GNL1: variants seen among roughly 807,000 people sequenced by gnomAD.
GNL1 encodes the protein G protein nucleolar 1.
Under a neutral mutation model 75.2 loss-of-function variants are expected in GNL1, and 21 were observed. The observed-to-expected ratio is 0.28, with a 90% CI of 0.20 to 0.40. The LOEUF is 0.40. GNL1 is among the 10% of genes least tolerant of loss of function. GNL1 has a pLI of 1.00. For missense variants in GNL1, 579 were observed against 775.0 expected (o/e 0.75, Z 3.00); for synonymous variants, 287 against 303.4 (o/e 0.95, Z 0.56).
rs371152866 is a variant in GNL1 at position 30,556,330 on chromosome 6, G to C, written c.-127C>G. On this transcript the variant is annotated 5_prime_UTR_variant, in exon 1 of 12. Coordinates refer to ENST00000376621, the MANE Select transcript of GNL1 (RefSeq NM_005275.5). This position sits in a 1 kb window ranked among gnomAD's most constrained non-coding sequence, Gnocchi z 5.7. ...GAGGCGGGGCTAGCAGGTGACGTCA[G>C]CGGGCGGGCCCGACAGAATTACCGC... The C allele has an allele frequency of 1.9e-4, 209 of 1,079,314 alleles. 7 individuals are homozygous for C. The highest frequency in any genetic ancestry group is 7.2e-4 in the East Asian group (29 of 40,140). 66.9% of individuals were successfully genotyped at this position (1,079,314 alleles called of 1,614,324 possible).
In GNL1 at chr6:30,546,228, TTCC is replaced by T. The variant is rs752894283; in HGVS notation, c.1665_1667del (p.Glu559del). 2.9e-4 allele frequency: 451 copies of T among 1,556,680 alleles called. No homozygotes were observed. Among genetic ancestry groups the T allele is most frequent in the Admixed American group, 4.4e-4 (24 of 53,960 alleles). Reference sequence around the variant, plus strand: ...CACAGGAGCTGCTCAGCTCTTCCTCTTCCTCCTCCTCCTCGTCACCTGCTGGCC... The same window carrying T: ...CACAGGAGCTGCTCAGCTCTTCCTCTTCCTCCTCCTCGTCACCTGCTGGCC... On this transcript the variant is annotated inframe_deletion, in exon 12 of 12. Transcript: ENST00000376621. The surrounding 1 kb of genome is among the most constrained non-coding windows in gnomAD (Gnocchi z 5.1).
rs1256100851 is a variant in GNL1, at chr6:30,543,988, G to A, written c.*2084C>T. ...GTAGACATGACCCAGACAAGAGGGT[G>A]CGTATTTCAGCGTGGAGGGGAGACT... On this transcript the variant is annotated 3_prime_UTR_variant, in exon 12 of 12. Coordinates refer to ENST00000376621, the MANE Select transcript of GNL1 (RefSeq NM_005275.5). 2 of 152,278 alleles carry A rather than the reference G, an allele frequency of 1.3e-5. No homozygotes were observed. Among genetic ancestry groups the A allele is most frequent in the Non-Finnish European group, 2.9e-5 (2 of 68,098 alleles). 9.4% of individuals were successfully genotyped at this position (152,278 alleles called of 1,614,324 possible).
intron 3 of GNL1, 48 bp from the exon 4 acceptor site, chr6:30,554,963 A>G (rs1554306008): frequency 6.2e-7 from 1 of 1,610,940 alleles, no homozygotes; most frequent in Non-Finnish European, 8.5e-7. Context: ...TTCAGGATTC[A>G]AGAGTACATC....
In GNL1 at chr6:30,546,616, A is replaced by T. The variant is rs1330707001; in HGVS notation, c.1582+80T>A. On this transcript the variant is annotated intron_variant, in intron 11 of 11. Coordinates refer to ENST00000376621, the MANE Select transcript of GNL1 (RefSeq NM_005275.5). The surrounding 1 kb of genome is among the most constrained non-coding windows in gnomAD (Gnocchi z 5.1). ...CCAACAGGTACAGAATCCAGGTTTG[A>T]CCCTCTCTCTGGCCACAAAGCCCAC... is the stretch of plus-strand genomic sequence containing the variant. The T allele has an allele frequency of 8.5e-7, 1 of 1,179,452 alleles. No homozygotes were observed. Among genetic ancestry groups the T allele is most frequent in the Non-Finnish European group, 1.2e-6 (1 of 824,486 alleles). 73.1% of individuals were successfully genotyped at this position (1,179,452 alleles called of 1,614,324 possible).
chr6:30,549,683 T>G (rs1476720859), intron 8 of GNL1, among the ~76,000 whole-genome samples: 1 of 152,184 alleles, frequency 6.6e-6, no homozygotes, highest in African/African-American at 2.4e-5. Flanking sequence ...CTTCTTCATT[T>G]GACTTCTGGG....
At position 30,548,169 on chromosome 6, in the gene GNL1, TC is replaced by T. The variant is rs1799558918; in HGVS notation, c.1100-640del. ...CCAGCCTGGGCAATAAGAGGGAAAC[TC>T]CATCTCAAAAAATAATAATAATAAT... On this transcript the variant is annotated intron_variant, in intron 8 of 11. Transcript: ENST00000376621. The surrounding 1 kb of genome is among the most constrained non-coding windows in gnomAD (Gnocchi z 4.2). Among the ~76,000 whole-genome samples, 1 of 151,802 alleles carries T rather than the reference TC, an allele frequency of 6.6e-6. No individual in the cohort carries two copies. Among genetic ancestry groups the T allele is most frequent in the Non-Finnish European group, 1.5e-5 (1 of 67,956 alleles).
In GNL1 at chr6:30,543,604, T is replaced by C. The variant is rs1799291380; in HGVS notation, c.*2468A>G. ...AGCTATTGTATTATATTATTATTAT[T>C]CTATTCCTACCCTCTATTGCTTGAG... On this transcript the variant is annotated 3_prime_UTR_variant, in exon 12 of 12. Coordinates refer to ENST00000376621, the MANE Select transcript of GNL1 (RefSeq NM_005275.5). 2 of 152,228 alleles carry C rather than the reference T, an allele frequency of 1.3e-5. No homozygotes were observed. Among genetic ancestry groups the C allele is most frequent in the African/African-American group, 4.8e-5 (2 of 41,456 alleles). The allele number at this position is 152,228 out of a possible 1,614,324, so 9.4% of individuals were successfully genotyped here. A position where few individuals can be genotyped will look rare whatever the true frequency, so the allele number is the denominator to read the frequency against.
chr6:30,548,628 C>A lies in GNL1; in HGVS notation c.1100-1098G>T, dbSNP rs1334479884. Among the ~76,000 whole-genome samples, 1 of 152,170 alleles carries A rather than the reference C, an allele frequency of 6.6e-6. No individual in the cohort carries two copies. The highest frequency in any genetic ancestry group is 1.5e-5 in the Non-Finnish European group (1 of 68,030). ...TCCCACTTCTCCCCTCTATCTTACTCACCTGGCAAAATCCCAACCCTGTAA... is the reference window on the plus strand; with the variant it reads ...TCCCACTTCTCCCCTCTATCTTACTAACCTGGCAAAATCCCAACCCTGTAA... On this transcript the variant is annotated intron_variant, in intron 8 of 11. Transcript: ENST00000376621. This position sits in a 1 kb window ranked among gnomAD's most constrained non-coding sequence, Gnocchi z 4.2.
At chr6:30,551,739 A>G (rs1322574904) in intron 8 of GNL1, among the ~76,000 whole-genome samples, 2 of 152,336 alleles carry the variant, frequency 1.3e-5, no homozygotes, top group Middle Eastern at 3.4e-3. Flanking sequence ...AAACCACTTA[A>G]AACAGTGCCT....
Position 30,543,986 on chromosome 6 carries a change from G to A in GNL1, c.*2086C>T, listed in dbSNP as rs1799312727. On this transcript the variant is annotated 3_prime_UTR_variant, in exon 12 of 12. Transcript: ENST00000376621. ...TAGTAGACATGACCCAGACAAGAGG[G>A]TGCGTATTTCAGCGTGGAGGGGAGA... The A allele has an allele frequency of 1.3e-5, 2 of 152,250 alleles. No individual in the cohort carries two copies. The highest frequency in any genetic ancestry group is 2.4e-5 in the African/African-American group (1 of 41,422). The allele number at this position is 152,250 out of a possible 1,614,324, so 9.4% of individuals were successfully genotyped here.
At chr6:30,551,001 G>A (rs887247254) in intron 8 of GNL1, among the ~76,000 whole-genome samples, 7 of 151,952 alleles carry the variant, frequency 4.6e-5, no homozygotes, top group Non-Finnish European at 8.8e-5. Context: ...ACATGATTTC[G>A]GATCACAAAA....
chr6:30,554,727 A>C, intron 4 of GNL1, 37 bp downstream of exon 4: 1 of 1,609,330 alleles, frequency 6.2e-7, no homozygotes, highest in Non-Finnish European at 8.5e-7. Flanking sequence ...ACCATAGGTC[A>C]CTATGCCCCA....
chr6:30,542,858 C>G lies in GNL1; in HGVS notation c.*3214G>C, dbSNP rs928282624. 2.0e-5 allele frequency: 3 copies of G among 152,134 alleles called. No homozygotes were observed. The highest frequency in any genetic ancestry group is 4.4e-5 in the Non-Finnish European group (3 of 68,062). The allele number at this position is 152,134 out of a possible 1,614,324, so 9.4% of individuals were successfully genotyped here. On this transcript the variant is annotated 3_prime_UTR_variant, in exon 12 of 12. Coordinates refer to ENST00000376621, the MANE Select transcript of GNL1 (RefSeq NM_005275.5). The surrounding 1 kb of genome is among the most constrained non-coding windows in gnomAD (Gnocchi z 4.5). ...GTCTTAGGCTTAAAGTTCAACATCCCTCTGGATACAGTCTAAATCTTTAAC... is the reference window on the plus strand; with the variant it reads ...GTCTTAGGCTTAAAGTTCAACATCCGTCTGGATACAGTCTAAATCTTTAAC...
At position 30,547,355 on chromosome 6, in the gene GNL1, C is replaced by T. The variant is rs763155640; in HGVS notation, c.1275G>A (p.Leu425=). The change falls in exon 9 of 12, where the codon TTG becomes TTA. Residue 425 remains leucine (L), a synonymous_variant. Transcript: ENST00000376621. The surrounding 1 kb of genome is among the most constrained non-coding windows in gnomAD (Gnocchi z 5.5). ...TTACCCACCCTCCCCGTCATACCTG[C>T]AACTGCCTAGGCAGAAGAGATGGGA... ...LIFPSLLPRQ[L]QVLAGIYPIA... is the part of the protein sequence containing the mutation. 5.6e-6 allele frequency: 9 copies of T among 1,601,060 alleles called. No individual in the cohort carries two copies. The East Asian group carries it at 1.6e-4, about 28-fold the overall frequency.
In GNL1 at chr6:30,546,318, G is replaced by A; in HGVS notation, c.1583-5C>T. 1 of 1,585,754 alleles carries A rather than the reference G, an allele frequency of 6.3e-7. No homozygotes were observed. The highest frequency in any genetic ancestry group is 8.6e-7 in the Non-Finnish European group (1 of 1,165,584). ...CTGGATGGGACTCCCAGGTGCCTGGGGAACCAAAACAAGAAAAAAATGGAG... is the reference window on the plus strand; with the variant it reads ...CTGGATGGGACTCCCAGGTGCCTGGAGAACCAAAACAAGAAAAAAATGGAG... On this transcript the variant is annotated splice_region_variant and splice_polypyrimidine_tract_variant and intron_variant, in intron 11 of 11. Coordinates refer to ENST00000376621, the MANE Select transcript of GNL1 (RefSeq NM_005275.5). This position sits in a 1 kb window ranked among gnomAD's most constrained non-coding sequence, Gnocchi z 5.1.
chr6:30,541,901 CT>C lies in GNL1; in HGVS notation c.*4170del, dbSNP rs1799190054. ...TGAGGGCACTCCCCTCACTGGGACT[CT>C]CAGTACCACGCCCACCTGTCCCCAA... On this transcript the variant is annotated 3_prime_UTR_variant, in exon 12 of 12. Coordinates refer to ENST00000376621, the MANE Select transcript of GNL1 (RefSeq NM_005275.5). 1.3e-5 allele frequency: 2 copies of C among 152,348 alleles called. No individual in the cohort carries two copies. Among genetic ancestry groups the C allele is most frequent in the South Asian group, 2.1e-4 (1 of 4,820 alleles). 9.4% of individuals were successfully genotyped at this position (152,348 alleles called of 1,614,324 possible). A position where few individuals can be genotyped will look rare whatever the true frequency, so the allele number is the denominator to read the frequency against.
In GNL1 at chr6:30,552,472, C is replaced by A. The variant is rs1799847491; in HGVS notation, c.1094G>T (p.Cys365Phe). 6.2e-7 allele frequency: 1 copy of A among 1,611,566 alleles called. No individual in the cohort carries two copies. The highest frequency in any genetic ancestry group is 8.5e-7 in the Non-Finnish European group (1 of 1,178,274). Residue 365 changes from cysteine to phenylalanine, a missense_variant, in exon 8 of 12, where the codon TGT becomes TTT. Physicochemically the swap from Cys to Phe is radical, Grantham distance 205 (BLOSUM62 -2). Transcript: ENST00000376621. This position sits in a 1 kb window ranked among gnomAD's most constrained non-coding sequence, Gnocchi z 4.5. ...ACAAGCTGCCACTTCCTTACCCACA[C>A]AGCCGATGGTCACCACCCCATCCTT... ...RYKDGVVTIGCVGFPNVGKSS... is the reference protein window; with the variant it reads ...RYKDGVVTIGFVGFPNVGKSS...
rs563093957 is a variant in GNL1 at position 30,545,136 on chromosome 6, A to C, written c.*936T>G. ...ATCATCTTTGTTCCACCCCCAAACCAGAGTAAATGGAATTCAGGAGGCTGG... is the reference window on the plus strand; with the variant it reads ...ATCATCTTTGTTCCACCCCCAAACCCGAGTAAATGGAATTCAGGAGGCTGG... On this transcript the variant is annotated 3_prime_UTR_variant, in exon 12 of 12. Coordinates refer to ENST00000376621, the MANE Select transcript of GNL1 (RefSeq NM_005275.5). The C allele has an allele frequency of 6.6e-6, 1 of 152,174 alleles. No individual in the cohort carries two copies. Among genetic ancestry groups the C allele is most frequent in the Non-Finnish European group, 1.5e-5 (1 of 68,046 alleles). 9.4% of individuals were successfully genotyped at this position (152,174 alleles called of 1,614,324 possible).
chr6:30,549,020 CAG>C (rs1220139244), intron 8 of GNL1, among the ~76,000 whole-genome samples: 1 of 151,852 alleles, frequency 6.6e-6, no homozygotes, highest in Non-Finnish European at 1.5e-5. Flanking sequence ...GTTTTTGAGA[CAG>C]AGTCTCACTC....
Sources: gnomAD v4.1 joint callset for allele counts (sites outside exome capture counted in the v4.1 genomes callset) on GRCh38, gnomAD v4.1.1 for gene constraint, Gnocchi (gnomAD v3.1) non-coding constraint, MANE v1.5 for transcripts, NCBI Gene and HGNC (gene_info 2026-07-23, HGNC 2026-07-21) for gene names.